Variants in DOCK10 observed in about 807,000 individuals in gnomAD.
DOCK10 encodes dedicator of cytokinesis protein 10.
Under a neutral mutation model 280.1 loss-of-function variants are expected in DOCK10, and 145 were observed. The observed-to-expected ratio is 0.52, with a 90% CI of 0.45 to 0.59. The LOEUF (loss-of-function observed/expected upper bound fraction) is 0.59, where lower values mean the gene tolerates loss of function less well. Ranked by LOEUF, DOCK10 falls within the 20% of genes least tolerant of loss-of-function variation. DOCK10 has a pLI of 0.00. For synonymous variants in DOCK10, 915 were observed against 942.2 expected (o/e 0.97, Z 0.53); for missense variants, 2,368 against 2,651.7 (o/e 0.89, Z 2.35).
intron 47 of DOCK10, 50 bp from the exon 48 acceptor site, chr2:224,789,220 C>G: frequency 7.8e-7 from 1 of 1,276,662 alleles, no homozygotes; most frequent in Non-Finnish European, 1.1e-6. Context: ...ACAAATTTTG[C>G]TTAGATTAGA....
chr2:225,016,979 T>C (rs1390721221), intron 1 of DOCK10, among the ~76,000 whole-genome samples: 1 of 152,030 alleles, frequency 6.6e-6, no homozygotes. Context: ...CGCTTTGGCC[T>C]CCCAAAGTGC....
chr2:224,770,680 C>T lies in DOCK10; in HGVS notation c.6205-35G>A. On this transcript the variant is annotated intron_variant, in intron 53 of 55. Transcript: ENST00000258390. The surrounding 1 kb of genome is among the most constrained non-coding windows in gnomAD (Gnocchi z 4.5). ...AGAAAATTGGTGAAGGATGATCTAC[C>T]TTCTGCATGGAGTCTTTTCCACCGC... The T allele has an allele frequency of 2.0e-6, 3 of 1,482,422 alleles. No individual in the cohort carries two copies. The South Asian group carries it at 3.4e-5, about 17-fold the overall frequency. 91.8% of individuals were successfully genotyped at this position (1,482,422 alleles called of 1,614,324 possible).
chr2:224,991,396 A>C (rs1472927037), intron 1 of DOCK10, among the ~76,000 whole-genome samples: 1 of 152,236 alleles, frequency 6.6e-6, no homozygotes, highest in African/African-American at 2.4e-5. Flanking sequence ...AACTGTTGTA[A>C]CAAAGGCACA....
At chr2:225,011,952 T>A (rs1308656999) in intron 1 of DOCK10, among the ~76,000 whole-genome samples, 1 of 152,014 alleles carries the variant, frequency 6.6e-6, no homozygotes, top group Non-Finnish European at 1.5e-5. Flanking sequence ...CGAGCTCACA[T>A]GTACTGTCGG....
At chr2:224,825,916 G>A (rs1400747536) in intron 27 of DOCK10, among the ~76,000 whole-genome samples, 1 of 152,200 alleles carries the variant, frequency 6.6e-6, no homozygotes, top group African/African-American at 2.4e-5. Flanking sequence ...GGCCTGGGAT[G>A]CATGGGCAGA....
chr2:224,838,147 C>A (rs1271841328), intron 24 of DOCK10, among the ~76,000 whole-genome samples: 1 of 152,086 alleles, frequency 6.6e-6, no homozygotes, highest in Admixed American at 6.5e-5. Context: ...ATGGTCTGTG[C>A]GTTTTTGACA....
intron 45 of DOCK10, among the ~76,000 whole-genome samples, chr2:224,794,424 A>T (rs1405506056): frequency 2.0e-5 from 3 of 152,074 alleles, no homozygotes; most frequent in Admixed American, 6.6e-5. Context: ...GGTGCTAAGG[A>T]TCATTCATTT....
chr2:224,959,638 T>C (rs1704251229), intron 1 of DOCK10, among the ~76,000 whole-genome samples: 1 of 152,176 alleles, frequency 6.6e-6, no homozygotes, highest in African/African-American at 2.4e-5. Flanking sequence ...TTGACATGAT[T>C]TGTAAATAAA....
chr2:224,807,757 A>G lies in DOCK10; in HGVS notation c.3613T>C (p.Tyr1205His). The G allele has an allele frequency of 6.4e-7, 1 of 1,571,448 alleles. No homozygotes were observed. Residue 1205 changes from tyrosine to histidine, a missense_variant, in exon 33 of 56, where the codon TAC becomes CAC. Physicochemically the swap from Tyr to His is moderately conservative, Grantham distance 83 (BLOSUM62 2). Transcript: ENST00000258390. ...AGGAGCATGCCGTACAGGGGCATGTATAAACTTGCTATCTGGGCCTGCTTT... is the reference window on the plus strand; with the variant it reads ...AGGAGCATGCCGTACAGGGGCATGTGTAAACTTGCTATCTGGGCCTGCTTT... ...PRKQAQIASLYMPLYGMLLDN... is the reference protein window; with the variant it reads ...PRKQAQIASLHMPLYGMLLDN...
intron 1 of DOCK10, among the ~76,000 whole-genome samples, chr2:225,040,229 C>T (rs1690382244): frequency 6.6e-6 from 1 of 152,160 alleles, no homozygotes; most frequent in Non-Finnish European, 1.5e-5. Context: ...CTTCCTGTTT[C>T]CCTTCAAGAG....
intron 14 of DOCK10, chr2:224,861,305 A>T (rs990065191): frequency 6.6e-6 from 1 of 152,216 alleles, no homozygotes; most frequent in Non-Finnish European, 1.5e-5. Context: ...GATTGCACAT[A>T]CTGCTCATAA....
intron 1 of DOCK10, among the ~76,000 whole-genome samples, chr2:224,978,433 G>A (rs528708873): frequency 9.3e-5 from 14 of 151,076 alleles, no homozygotes; most frequent in Non-Finnish European, 1.5e-4. Context: ...ACTCCGTCTC[G>A]GAAAAAAAAA....
Position 224,786,865 on chromosome 2 carries a change from A to G in DOCK10, c.5655+157T>C, listed in dbSNP as rs1414564935. Among the ~76,000 whole-genome samples the G allele has an allele frequency of 6.6e-6, 1 of 152,202 alleles. No individual in the cohort carries two copies. Among genetic ancestry groups the G allele is most frequent in the Admixed American group, 6.5e-5 (1 of 15,288 alleles). Reference sequence around the variant, plus strand: ...CAACTTTGTACATTCCTATGGATAAACATATAGACCATCACATCCAGAGAA... The same window carrying G: ...CAACTTTGTACATTCCTATGGATAAGCATATAGACCATCACATCCAGAGAA... On this transcript the variant is annotated intron_variant, in intron 50 of 55. Coordinates refer to ENST00000258390, the MANE Select transcript of DOCK10 (RefSeq NM_014689.3). The surrounding 1 kb of genome is among the most constrained non-coding windows in gnomAD (Gnocchi z 4.7).
chr2:224,805,584 C>CA lies in DOCK10; in HGVS notation c.3815-56dup. ...GGAATGAGATGTATGGGCACACACACACAAAAGGTTCACATGATGAACCAA... is the reference window on the plus strand; with the variant it reads ...GGAATGAGATGTATGGGCACACACACAACAAAAGGTTCACATGATGAACCAA... On this transcript the variant is annotated intron_variant, in intron 34 of 55. Coordinates refer to ENST00000258390, the MANE Select transcript of DOCK10 (RefSeq NM_014689.3). This position sits in a 1 kb window ranked among gnomAD's most constrained non-coding sequence, Gnocchi z 4.3. 1.2e-6 allele frequency: 2 copies of CA among 1,603,572 alleles called. No individual in the cohort carries two copies. Among genetic ancestry groups the CA allele is most frequent in the South Asian group, 2.2e-5 (2 of 89,814 alleles).
At chr2:224,947,674 T>C (rs776673400) in intron 1 of DOCK10, among the ~76,000 whole-genome samples, 50 of 152,186 alleles carry the variant, frequency 3.3e-4, no homozygotes, top group Non-Finnish European at 5.9e-4. Context: ...TCTGGGGCTA[T>C]TTAATTTAAA....
intron 1 of DOCK10, among the ~76,000 whole-genome samples, chr2:224,961,608 G>A (rs1173350268): frequency 6.6e-6 from 1 of 151,060 alleles, no homozygotes. Context: ...CTGGGTTCAA[G>A]CGATTCTCCT....
At chr2:224,956,019 T>C (rs1446599759) in intron 1 of DOCK10, among the ~76,000 whole-genome samples, 1 of 152,176 alleles carries the variant, frequency 6.6e-6, no homozygotes, top group Non-Finnish European at 1.5e-5. Flanking sequence ...TGTGGGGAGA[T>C]GATGGTACAC....
At chr2:224,903,012 G>A (rs534824727) in intron 3 of DOCK10, among the ~76,000 whole-genome samples, 10 of 152,070 alleles carry the variant, frequency 6.6e-5, no homozygotes, top group Non-Finnish European at 1.3e-4. Flanking sequence ...GCGGGAGAAC[G>A]GCGTGAACCC....
At chr2:224,888,766 G>A (rs1284887734) in intron 4 of DOCK10, among the ~76,000 whole-genome samples, 1 of 151,696 alleles carries the variant, frequency 6.6e-6, no homozygotes, top group Non-Finnish European at 1.5e-5. Flanking sequence ...ATATATATGT[G>A]TATGTATGTG....
Sources: allele counts gnomAD v4.1 joint callset (sites outside exome capture counted in the v4.1 genomes callset), GRCh38; gene constraint gnomAD v4.1.1; non-coding constraint Gnocchi (gnomAD v3.1); transcripts MANE v1.5; gene names NCBI Gene and HGNC (gene_info 2026-07-23, HGNC 2026-07-21).